The following LRRFIP1 variants were observed in gnomAD, a reference collection of about 807,000 sequenced individuals.
LRRFIP1 encodes the protein leucine-rich repeat flightless-interacting protein 1.
In LRRFIP1, 62 loss-of-function variants were observed where a neutral mutation model predicts 104.4. That is an observed-to-expected ratio of 0.59 (90% CI 0.48 to 0.73). LRRFIP1 has a LOEUF of 0.73. Among genes scored for constraint, LRRFIP1 ranks in the 30% least tolerant of loss-of-function variants. LRRFIP1 has a pLI of 0.00. For synonymous variants in LRRFIP1, 300 were observed against 299.0 expected, an observed-to-expected ratio of 1.00 and a Z score of -0.03; for missense variants, 796 against 824.5, an observed-to-expected ratio of 0.97 and a Z score of 0.42.
chr2:237,673,035 T>C (rs554381155), intron 1 of LRRFIP1, among the ~76,000 whole-genome samples: 34 of 152,368 alleles, frequency 2.2e-4, no homozygotes, highest in African/African-American at 7.7e-4. Context: ...ACACTGTGCT[T>C]TCTCTCACTT....
chr2:237,642,355 G>T (rs1275779830), intron 1 of LRRFIP1, among the ~76,000 whole-genome samples: 1 of 152,232 alleles, frequency 6.6e-6, no homozygotes, highest in Non-Finnish European at 1.5e-5. Flanking sequence ...TAGGCCTCAG[G>T]TTCCCAGTCC....
At chr2:237,750,661 C>T (rs1296891859) in intron 13 of LRRFIP1, among the ~76,000 whole-genome samples, 2 of 152,126 alleles carry the variant, frequency 1.3e-5, no homozygotes, top group Non-Finnish European at 1.5e-5. Context: ...TACAGCAGAG[C>T]AGCAGAGTTG....
chr2:237,688,189 G>GACCTGTC (rs140536578), intron 1 of LRRFIP1, among the ~76,000 whole-genome samples: 6,183 of 152,284 alleles, frequency 0.041, 370 homozygotes, highest in African/African-American at 0.13. Flanking sequence ...GAGGCAGTCA[G>GACCTGTC]ACAAAACCCA....
Position 237,691,303 on chromosome 2 carries a change from G to A in LRRFIP1, c.97-17241G>A, listed in dbSNP as rs781214528. ...CCGCAGGACTTTCATTGGGAGTTAC[G>A]AGGGCGCCCTGTGCCTGGAGGTGGC... On this transcript the variant is annotated intron_variant, in intron 1 of 23. Coordinates refer to ENST00000308482, the MANE Select transcript of LRRFIP1 (RefSeq NM_001137550.2). This position sits in a 1 kb window ranked among gnomAD's most constrained non-coding sequence, Gnocchi z 5.4. Among the ~76,000 whole-genome samples the A allele has an allele frequency of 1.1e-4, 16 of 152,204 alleles. No homozygotes were observed. Among genetic ancestry groups the A allele is most frequent in the Non-Finnish European group, 1.8e-4 (12 of 68,030 alleles).
At chr2:237,733,955 G>A in intron 9 of LRRFIP1, 137 bp downstream of exon 9, 1 of 872,006 alleles carries the variant, frequency 1.1e-6, no homozygotes, top group Non-Finnish European at 1.8e-6. Context: ...GCTTACATGT[G>A]CCAGTGGGGA....
rs182127883 is a variant in LRRFIP1 at position 237,717,528 on chromosome 2, C to T, written c.202-234C>T. The stretch of plus-strand genomic sequence containing the variant: ...TTCGTCCTGGGCTCTCTTGCTTTGC[C>T]GGGATGGGGTGGGCTGGGAGGATCT... On this transcript the variant is annotated intron_variant, in intron 3 of 23. Transcript: ENST00000308482. The surrounding 1 kb of genome is among the most constrained non-coding windows in gnomAD (Gnocchi z 4.2). 1.3e-5 allele frequency among the ~76,000 whole-genome samples: 2 copies of T among 151,912 alleles called. No homozygotes were observed. Among genetic ancestry groups the T allele is most frequent in the Non-Finnish European group, 1.5e-5 (1 of 67,940 alleles).
Position 237,712,298 on chromosome 2 carries a change from A to AG in LRRFIP1, c.184-1961_184-1960insG, listed in dbSNP as rs151035988. On this transcript the variant is annotated intron_variant, in intron 2 of 23. Coordinates refer to ENST00000308482, the MANE Select transcript of LRRFIP1 (RefSeq NM_001137550.2). ...CCCTCTGTCTCAAAATCAGTTCTGT[A>AG]CCAACAATAAAAACAAGAGTGGAGG... 3.3e-3 allele frequency among the ~76,000 whole-genome samples: 499 copies of AG among 152,274 alleles called. 10 individuals carry two copies. The East Asian group carries it at 0.047, about 14-fold the overall frequency.
rs1179239137 is a variant in LRRFIP1, at chr2:237,627,925, G to A, written c.96+185G>A. 3.3e-5 allele frequency among the ~76,000 whole-genome samples: 5 copies of A among 150,994 alleles called. No individual in the cohort carries two copies. In the South Asian group the frequency reaches 1.0e-3, roughly 31 times the overall value. Reference sequence around the variant, plus strand: ...TCCCCAGGCGCTGCGCCCCGGCCCCGATCTCCGAGGCCTGCGGACCCCGCA... The same window carrying A: ...TCCCCAGGCGCTGCGCCCCGGCCCCAATCTCCGAGGCCTGCGGACCCCGCA... On this transcript the variant is annotated intron_variant, in intron 1 of 23. Coordinates refer to ENST00000308482, the MANE Select transcript of LRRFIP1 (RefSeq NM_001137550.2).
intron 1 of LRRFIP1, among the ~76,000 whole-genome samples, chr2:237,631,484 A>G (rs4663771): frequency 0.42 from 63,717 of 152,062 alleles, 13,666 homozygotes; most frequent in East Asian, 0.46. Context: ...ATCGCAAGTC[A>G]ATTATTTCTC....
intron 13 of LRRFIP1, among the ~76,000 whole-genome samples, chr2:237,750,913 A>G (rs59926726): frequency 0.013 from 1,904 of 152,296 alleles, 51 homozygotes; most frequent in African/African-American, 0.043. Flanking sequence ...TAGGAGTTGA[A>G]ATAACCTGTA....
At position 237,757,330 on chromosome 2, in the gene LRRFIP1, A is replaced by G. The variant is rs576351303; in HGVS notation, c.1132-126A>G. 1.1e-4 allele frequency: 67 copies of G among 628,480 alleles called. No individual in the cohort carries two copies. The Middle Eastern group carries it at 2.0e-3, about 19-fold the overall frequency. The allele number at this position is 628,480 out of a possible 1,614,324, so 38.9% of individuals were successfully genotyped here. On this transcript the variant is annotated intron_variant, in intron 16 of 23. Coordinates refer to ENST00000308482, the MANE Select transcript of LRRFIP1 (RefSeq NM_001137550.2). The stretch of plus-strand genomic sequence containing the variant: ...ATCCTAGAATGCTGACAATGAGTTC[A>G]GGGTTGATGAGGTGAAAGAGTGCTT...
At chr2:237,747,319 G>A (rs1386931634) in intron 11 of LRRFIP1, among the ~76,000 whole-genome samples, 1 of 152,224 alleles carries the variant, frequency 6.6e-6, no homozygotes, top group African/African-American at 2.4e-5. Flanking sequence ...GAGTTTGCAG[G>A]AGGGAAGGTG....
intron 23 of LRRFIP1, among the ~76,000 whole-genome samples, chr2:237,777,577 C>T (rs1040768442): frequency 2.0e-5 from 3 of 152,010 alleles, no homozygotes; most frequent in African/African-American, 7.2e-5. Flanking sequence ...TTTTAACGGT[C>T]GGTCCTTTGT....
chr2:237,655,675 T>C (rs2086697826), intron 1 of LRRFIP1, among the ~76,000 whole-genome samples: 2 of 152,210 alleles, frequency 1.3e-5, no homozygotes, highest in Non-Finnish European at 2.9e-5. Context: ...ATTGGATATA[T>C]ATAGGACATC....
At chr2:237,776,979 T>C (rs1209266891) in intron 23 of LRRFIP1, among the ~76,000 whole-genome samples, 2 of 152,200 alleles carry the variant, frequency 1.3e-5, no homozygotes, top group Non-Finnish European at 2.9e-5. Flanking sequence ...AAATTTAAAT[T>C]TTATATTCAA....
chr2:237,627,793 A>G (rs1450239514), intron 1 of LRRFIP1, 53 bp downstream of exon 1: 131 of 1,097,794 alleles, frequency 1.2e-4, no homozygotes, highest in Non-Finnish European at 1.5e-4. Flanking sequence ...CGGGGGCCGG[A>G]CGGCTGTCAG....
rs886588089 is a variant in LRRFIP1, at chr2:237,720,037, T to C, written c.294+470T>C. Among the ~76,000 whole-genome samples, 9 of 139,660 alleles carry C rather than the reference T, an allele frequency of 6.4e-5. No individual in the cohort carries two copies. In the Admixed American group the frequency reaches 6.9e-4, roughly 11 times the overall value. The allele number at this position is 139,660 out of a possible 152,430, so 91.6% of individuals were successfully genotyped here. On this transcript the variant is annotated intron_variant, in intron 5 of 23. Coordinates refer to ENST00000308482, the MANE Select transcript of LRRFIP1 (RefSeq NM_001137550.2). The stretch of plus-strand genomic sequence containing the variant: ...GTTTTGGCTCACTGCAACCTCCACC[T>C]CCCAGGTTCAACAATTCTCGTGTCT...
intron 1 of LRRFIP1, among the ~76,000 whole-genome samples, chr2:237,700,552 T>C (rs1468175856): frequency 6.6e-6 from 1 of 152,236 alleles, no homozygotes; most frequent in Non-Finnish European, 1.5e-5. Context: ...TGAATGTGTG[T>C]AATTAATAGG....
chr2:237,759,027 T>G (rs1014557695), intron 18 of LRRFIP1, among the ~76,000 whole-genome samples: 1 of 152,220 alleles, frequency 6.6e-6, no homozygotes, highest in African/African-American at 2.4e-5. Flanking sequence ...GGCCTTTTGA[T>G]GTTAATAAAC....
Sources: allele counts gnomAD v4.1 joint callset (sites outside exome capture counted in the v4.1 genomes callset), GRCh38; gene constraint gnomAD v4.1.1; non-coding constraint Gnocchi (gnomAD v3.1); transcripts MANE v1.5; gene names NCBI Gene and HGNC (gene_info 2026-07-23, HGNC 2026-07-21).